TXNDC16: variants seen among roughly 807,000 people sequenced by gnomAD.
TXNDC16 encodes the protein thioredoxin domain containing 16.
A neutral mutation model predicts 85.6 loss-of-function variants in TXNDC16; 74 were observed. The ratio of observed to expected loss-of-function variants is 0.86; its 90% CI spans 0.72 to 1.05. The LOEUF (loss-of-function observed/expected upper bound fraction) is 1.05. TXNDC16 is among the 50% of genes least tolerant of loss of function. The pLI is 0.00. For missense variants in TXNDC16, 959 were observed against 947.0 expected, an observed-to-expected ratio of 1.01 and a Z score of -0.17; for synonymous variants, 335 against 326.5, an observed-to-expected ratio of 1.03 and a Z score of -0.28.
intron 9 of TXNDC16, among the ~76,000 whole-genome samples, chr14:52,499,588 A>G (rs1172772158): frequency 6.6e-6 from 1 of 151,534 alleles, no homozygotes; most frequent in African/African-American, 2.4e-5. Flanking sequence ...ATCATCTCAT[A>G]TCCTTTAAAA....
chr14:52,478,261 TCTAGGAA>T (rs547027057), intron 14 of TXNDC16, among the ~76,000 whole-genome samples: 43 of 152,164 alleles, frequency 2.8e-4, no homozygotes, highest in African/African-American at 1.0e-3. Flanking sequence ...AGGTCACACC[TCTAGGAA>T]CTAGAGAAAC....
At chr14:52,532,900 A>G (rs1219672399) in intron 6 of TXNDC16, among the ~76,000 whole-genome samples, 2 of 152,230 alleles carry the variant, frequency 1.3e-5, no homozygotes, top group East Asian at 3.8e-4. Flanking sequence ...AAGGGACAGC[A>G]TACTGTTTGG....
intron 6 of TXNDC16, among the ~76,000 whole-genome samples, chr14:52,533,141 G>A (rs555531954): frequency 6.0e-4 from 91 of 152,138 alleles, no homozygotes; most frequent in Middle Eastern, 3.4e-3. Flanking sequence ...ACAATGCTCT[G>A]GGGCTCAAAC....
At chr14:52,537,070 T>TCACACACACACACACA (rs58583503) in intron 5 of TXNDC16, among the ~76,000 whole-genome samples, 35 of 147,352 alleles carry the variant, frequency 2.4e-4, no homozygotes, top group African/African-American at 6.7e-4. Context: ...CAACTCACAA[T>TCACACACACACACACA]CACACACACA....
At chr14:52,463,196 A>T (rs1382929427) in intron 16 of TXNDC16, among the ~76,000 whole-genome samples, 1 of 119,686 alleles carries the variant, frequency 8.4e-6, no homozygotes, top group Non-Finnish European at 1.8e-5. Flanking sequence ...AGTTCAGATA[A>T]AAAAAAAAAA....
At chr14:52,493,546 A>C (rs1019583376) in intron 9 of TXNDC16, among the ~76,000 whole-genome samples, 2 of 152,154 alleles carry the variant, frequency 1.3e-5, no homozygotes, top group Non-Finnish European at 2.9e-5. Context: ...TGGAAGATAG[A>C]GAAAAAAGGT....
At position 52,482,884 on chromosome 14, in the gene TXNDC16, G is replaced by A. The variant is rs1316868508; in HGVS notation, c.1190C>T (p.Thr397Ile). 6.2e-7 allele frequency: 1 copy of A among 1,612,252 alleles called. No homozygotes were observed. Among genetic ancestry groups the A allele is most frequent in the Non-Finnish European group, 8.5e-7 (1 of 1,179,370 alleles). ...KLPLELTVEL[T>I]EETFNATVMA... ...CACTGTTGCATTAAATGTTTCTTCT[G>A]TTAGTTCCACTGTAAGTTCCAAAGG... Residue 397 changes from threonine to isoleucine, a missense_variant, in exon 13 of 21, where the codon ACA becomes ATA. Thr to Ile is a moderately conservative substitution (Grantham distance 89). Coordinates refer to ENST00000281741, the MANE Select transcript of TXNDC16 (RefSeq NM_020784.3).
In TXNDC16 at chr14:52,528,331, G is replaced by A. The variant is rs567608144; in HGVS notation, c.392+8388C>T. ...AATAAAGTAACACATATTCTCTAAC[G>A]CAGGCTTTTAGTTCATAGACAAGTA... On this transcript the variant is annotated intron_variant, in intron 6 of 20. Coordinates refer to ENST00000281741, the MANE Select transcript of TXNDC16 (RefSeq NM_020784.3). Among the ~76,000 whole-genome samples, 39 of 152,148 alleles carry A rather than the reference G, an allele frequency of 2.6e-4. No individual in the cohort carries two copies. In the South Asian group the frequency reaches 3.5e-3, roughly 14 times the overall value.
intron 14 of TXNDC16, among the ~76,000 whole-genome samples, chr14:52,477,514 G>A (rs904162025): frequency 1.3e-5 from 2 of 152,148 alleles, no homozygotes; most frequent in Admixed American, 1.3e-4. Context: ...AAAGCGAGCA[G>A]GGGTAGCTAT....
chr14:52,550,924 A>C (rs753146507), intron 1 of TXNDC16, among the ~76,000 whole-genome samples: 2 of 152,244 alleles, frequency 1.3e-5, no homozygotes, highest in Non-Finnish European at 2.9e-5. Flanking sequence ...TTCTCTAAAA[A>C]TACATGAGAT....
At chr14:52,440,388 A>C (rs993505166) in intron 19 of TXNDC16, among the ~76,000 whole-genome samples, 176 bp downstream of exon 19, 3 of 151,550 alleles carry the variant, frequency 2.0e-5, no homozygotes, top group Non-Finnish European at 4.4e-5. Context: ...AATTTAATCT[A>C]AAATAAGGTC....
At chr14:52,441,128 T>G (rs2035155240) in intron 18 of TXNDC16, among the ~76,000 whole-genome samples, 1 of 152,176 alleles carries the variant, frequency 6.6e-6, no homozygotes, top group Non-Finnish European at 1.5e-5. Context: ...TTCTTTAACA[T>G]CTATCATTAC....
At chr14:52,530,214 GAAT>G (rs554984226) in intron 6 of TXNDC16, among the ~76,000 whole-genome samples, 10,387 of 58,386 alleles carry the variant, frequency 0.18, 1,021 homozygotes, top group East Asian at 0.37. Flanking sequence ...ATATTATACA[GAAT>G]AATATATAAT....
At chr14:52,462,315 C>T (rs1365168840) in intron 16 of TXNDC16, among the ~76,000 whole-genome samples, 1 of 152,202 alleles carries the variant, frequency 6.6e-6, no homozygotes, top group Non-Finnish European at 1.5e-5. Context: ...CCCACCTCAG[C>T]TTCCTGAGTA....
chr14:52,436,870 C>T (rs1034988158), intron 20 of TXNDC16, among the ~76,000 whole-genome samples: 2 of 151,556 alleles, frequency 1.3e-5, no homozygotes, highest in African/African-American at 4.8e-5. Flanking sequence ...CACATACAAA[C>T]CTTATTTCAG....
intron 12 of TXNDC16, among the ~76,000 whole-genome samples, chr14:52,484,650 T>A (rs2036226960): frequency 6.6e-6 from 1 of 151,956 alleles, no homozygotes. Flanking sequence ...GGGGCCGAGG[T>A]GGACGGATCA....
chr14:52,551,236 A>G (rs1320112447), intron 1 of TXNDC16, among the ~76,000 whole-genome samples: 1 of 152,056 alleles, frequency 6.6e-6, no homozygotes, highest in Non-Finnish European at 1.5e-5. Context: ...CTAGGAAAAA[A>G]GACAGCAACA....
intron 9 of TXNDC16, among the ~76,000 whole-genome samples, chr14:52,500,378 A>G (rs2036628253): frequency 6.6e-6 from 1 of 152,234 alleles, no homozygotes; most frequent in Non-Finnish European, 1.5e-5. Context: ...GGCATAACTC[A>G]GTGTATATGT....
chr14:52,452,430 T>C (rs535286752), intron 18 of TXNDC16, among the ~76,000 whole-genome samples: 13 of 152,238 alleles, frequency 8.5e-5, no homozygotes, highest in African/African-American at 2.9e-4. Flanking sequence ...TGACATCAAA[T>C]TATACTATAG....
Sources: gnomAD v4.1 joint callset for allele counts (sites outside exome capture counted in the v4.1 genomes callset) on GRCh38, gnomAD v4.1.1 for gene constraint, MANE v1.5 for transcripts, NCBI Gene and HGNC (gene_info 2026-07-23, HGNC 2026-07-21) for gene names.